Variants in RAE1 observed in about 807,000 individuals in gnomAD.
RAE1 encodes the protein mRNA export factor RAE1.
A neutral mutation model predicts 52.7 loss-of-function variants in RAE1; 13 were observed. That is an observed-to-expected ratio of 0.25 (90% CI 0.16 to 0.39). The LOEUF (loss-of-function observed/expected upper bound fraction) is 0.39, where lower values mean the gene tolerates loss of function less well. Among genes scored for constraint, RAE1 ranks in the 10% least tolerant of loss-of-function variants. RAE1 has a pLI of 1.00. For missense variants in RAE1, 262 were observed against 459.8 expected (o/e 0.57, Z 3.93); for synonymous variants, 164 against 153.1 (o/e 1.07, Z -0.52).
chr20:57,360,940 T>A (rs965935951), intron 4 of RAE1, among the ~76,000 whole-genome samples: 41 of 152,170 alleles, frequency 2.7e-4, no homozygotes, highest in African/African-American at 9.7e-4. Context: ...GGTGTTTGCA[T>A]GTGTAATCTT....
intron 10 of RAE1, 44 bp from the exon 11 acceptor site, chr20:57,374,563 C>G: frequency 6.5e-7 from 1 of 1,549,716 alleles, no homozygotes; most frequent in Non-Finnish European, 8.8e-7. Flanking sequence ...ACCTTCTCTG[C>G]GCCCCTCTGC....
At chr20:57,352,775 A>G (rs1015489303) in intron 1 of RAE1, among the ~76,000 whole-genome samples, 1 of 152,228 alleles carries the variant, frequency 6.6e-6, no homozygotes, top group Non-Finnish European at 1.5e-5. Flanking sequence ...TGTTTTACAG[A>G]TGAGAAAATC....
At chr20:57,354,667 A>G (rs1406830050) in intron 2 of RAE1, 45 bp from the exon 3 acceptor site, 1 of 1,378,488 alleles carries the variant, frequency 7.3e-7, no homozygotes, top group East Asian at 2.6e-5. Context: ...TTTGGAATGA[A>G]GTTGTGAGCG....
intron 4 of RAE1, among the ~76,000 whole-genome samples, chr20:57,363,270 T>C (rs905268572): frequency 3.9e-5 from 6 of 152,166 alleles, no homozygotes; most frequent in East Asian, 1.9e-4. Context: ...AGTGGCACTT[T>C]GGGAGGCTTG....
chr20:57,360,144 G>A (rs1196692626), intron 4 of RAE1, among the ~76,000 whole-genome samples: 1 of 152,092 alleles, frequency 6.6e-6, no homozygotes, highest in Non-Finnish European at 1.5e-5. Flanking sequence ...CAGTAATAGT[G>A]ATTTCTAGAG....
chr20:57,377,069 G>GAT (rs2067126613), intron 11 of RAE1, among the ~76,000 whole-genome samples: 1 of 152,204 alleles, frequency 6.6e-6, no homozygotes, highest in Admixed American at 6.5e-5. Context: ...ACATATGATT[G>GAT]ATGTTATTAG....
At chr20:57,357,643 A>G (rs1304633011) in intron 4 of RAE1, 1 of 152,200 alleles carries the variant, frequency 6.6e-6, no homozygotes, top group Non-Finnish European at 1.5e-5. Flanking sequence ...TACAGTGTGT[A>G]GTGCTCCTAG....
chr20:57,369,542 C>A lies in RAE1; in HGVS notation c.642+730C>A, dbSNP rs1242608226. 2.6e-5 allele frequency among the ~76,000 whole-genome samples: 4 copies of A among 152,222 alleles called. No individual in the cohort carries two copies. In the East Asian group the frequency reaches 7.7e-4, roughly 29 times the overall value. On this transcript the variant is annotated intron_variant, in intron 8 of 11. Transcript: ENST00000395841. ...TTTTCAGCTATTATTTCCAGCCCTT[C>A]TGTATAGCCATCTTGAAATATGTCA...
intron 4 of RAE1, among the ~76,000 whole-genome samples, chr20:57,365,035 T>A (rs73291829): frequency 0.019 from 2,909 of 152,214 alleles, 73 homozygotes; most frequent in African/African-American, 0.066. Context: ...AAGAAAAAAA[T>A]TTTAAAGTGG....
At chr20:57,377,874 CTT>C (rs1194660244) in intron 11 of RAE1, 137 bp from the exon 12 acceptor site, 2 of 640,616 alleles carry the variant, frequency 3.1e-6, no homozygotes, top group Non-Finnish European at 5.2e-6. Context: ...TCGCATTTGA[CTT>C]TATCTTTGTT....
intron 8 of RAE1, 49 bp from the exon 9 acceptor site, chr20:57,373,425 GA>G (rs1281361987): frequency 6.4e-7 from 1 of 1,554,872 alleles, no homozygotes; most frequent in East Asian, 2.2e-5. Flanking sequence ...CGTTAGTCAT[GA>G]AATCTTATAT....
In RAE1 at chr20:57,354,018, T is replaced by C. The variant is rs181397579; in HGVS notation, c.-7-14T>C. 25 of 1,606,004 alleles carry C rather than the reference T, an allele frequency of 1.6e-5. No individual in the cohort carries two copies. In the Middle Eastern group the frequency reaches 9.9e-4, roughly 64 times the overall value. ...AGAGAAAACCCATCCTTAACATTTT[T>C]CATTACTTTTTAGGTTCAAAATGAG... On this transcript the variant is annotated splice_polypyrimidine_tract_variant and intron_variant, in intron 1 of 11. Transcript: ENST00000395841.
intron 1 of RAE1, 109 bp downstream of exon 1, chr20:57,351,531 G>C (rs1187786067): frequency 4.1e-6 from 4 of 985,380 alleles, no homozygotes; most frequent in Non-Finnish European, 4.8e-6. Flanking sequence ...GCGCGAGCGG[G>C]ACTGTTGACT....
rs1349186024 is a variant in RAE1 at position 57,373,487 on chromosome 20, G to T, written c.655G>T (p.Ala219Ser). 1.2e-6 allele frequency: 2 copies of T among 1,613,592 alleles called. No homozygotes were observed. The highest frequency in any genetic ancestry group is 1.1e-5 in the South Asian group (1 of 91,044). The change falls in exon 9 of 12, where the codon GCT becomes TCT. Residue 219 changes from alanine (A) to serine (S), a missense_variant. Coordinates refer to ENST00000395841, the MANE Select transcript of RAE1 (RefSeq NM_003610.4). ...SPLKHQHRCVAIFKDKQNKPT... is the reference protein window; with the variant it reads ...SPLKHQHRCVSIFKDKQNKPT... ...ATTTTAACTGTAGCATCGGTGTGTGGCTATTTTTAAAGACAAACAGAACAA... is the reference window on the plus strand; with the variant it reads ...ATTTTAACTGTAGCATCGGTGTGTGTCTATTTTTAAAGACAAACAGAACAA...
At chr20:57,364,094 G>C (rs1252418907) in intron 4 of RAE1, among the ~76,000 whole-genome samples, 2 of 152,174 alleles carry the variant, frequency 1.3e-5, no homozygotes, top group African/African-American at 4.8e-5. Context: ...GTAGGTAAAG[G>C]CACAGGGGCG....
intron 4 of RAE1, among the ~76,000 whole-genome samples, chr20:57,362,516 A>G (rs1190113269): frequency 6.6e-6 from 1 of 152,256 alleles, no homozygotes; most frequent in South Asian, 2.1e-4. Context: ...CAGAATTAGA[A>G]AGTTTCTTAT....
At chr20:57,352,030 T>G (rs532530713) in intron 1 of RAE1, 10 of 946,152 alleles carry the variant, frequency 1.1e-5, no homozygotes, top group Non-Finnish European at 1.1e-5. Context: ...GCCAGCATTC[T>G]GGGGGGGAAG....
rs745557387 is a variant in RAE1 at position 57,354,754 on chromosome 20, C to T, written c.133C>T (p.Leu45=). The T allele has an allele frequency of 5.0e-6, 8 of 1,603,392 alleles. No homozygotes were observed. In the Admixed American group the frequency reaches 1.4e-4, roughly 28 times the overall value. Residue 45 remains leucine (L), a synonymous_variant, in exon 3 of 12, where the codon CTG becomes TTG. Coordinates refer to ENST00000395841, the MANE Select transcript of RAE1 (RefSeq NM_003610.4). The part of the protein sequence containing the change: ...TSSPDDSIGC[L]SFSPPTLPGN... ...ATCTCCTGATGATAGCATTGGTTGT[C>T]TGTCTTTTAGCCCACCAACCTTGCC...
At position 57,378,008 on chromosome 20, in the gene RAE1, T is replaced by A. The variant is rs745851586; in HGVS notation, c.1021-5T>A. The A allele has an allele frequency of 1.2e-6, 2 of 1,605,698 alleles. No homozygotes were observed. The highest frequency in any genetic ancestry group is 4.5e-5 in the East Asian group (2 of 44,810). On this transcript the variant is annotated splice_region_variant and splice_polypyrimidine_tract_variant and intron_variant, in intron 11 of 11. Transcript: ENST00000395841. ...AAGATCATTGGTGTTTTTTGCTCTC[T>A]TTAGGGACATGAATTTTATAATCCC...
Sources: gnomAD v4.1 joint callset for allele counts (sites outside exome capture counted in the v4.1 genomes callset) on GRCh38, gnomAD v4.1.1 for gene constraint, MANE v1.5 for transcripts, NCBI Gene and HGNC (gene_info 2026-07-23, HGNC 2026-07-21) for gene names.